Variants in MMP16 observed in about 807,000 individuals in gnomAD.
MMP16 encodes the protein matrix metalloproteinase-16.
A neutral mutation model predicts 67.8 loss-of-function variants in MMP16; 12 were observed. The observed-to-expected ratio is 0.18, with a 90% confidence interval of 0.11 to 0.29. MMP16 has a LOEUF of 0.29. MMP16 is among the 10% of genes least tolerant of loss of function. The pLI is 1.00. For synonymous variants in MMP16, 249 were observed against 255.9 expected, an observed-to-expected ratio of 0.97 and a Z score of 0.26; for missense variants, 475 against 765.7, an observed-to-expected ratio of 0.62 and a Z score of 4.48.
rs754502140 is a variant in MMP16, at chr8:88,327,192, T to A, written c.15A>T (p.Thr5=). The A allele has an allele frequency of 1.2e-6, 2 of 1,613,886 alleles. No individual in the cohort carries two copies. Among genetic ancestry groups the A allele is most frequent in the Non-Finnish European group, 1.7e-6 (2 of 1,179,932 alleles). The change falls in exon 1 of 10, where the codon ACA becomes ACT. Residue 5 remains threonine, a synonymous_variant. Transcript: ENST00000286614. ...AATCCAACCGTCTTCCAGTGCTGAA[T>A]GTGAGTAAGATCATAGTGAACTGTG... MILL[T]FSTGRRLDFV... is the part of the protein sequence containing the mutation.
At chr8:88,322,708 G>A (rs1223912929) in intron 1 of MMP16, among the ~76,000 whole-genome samples, 2 of 151,962 alleles carry the variant, frequency 1.3e-5, no homozygotes, top group East Asian at 3.9e-4. Context: ...AGCTGGGTAT[G>A]GTGGTATGTG....
At chr8:88,273,045 A>AT (rs1390961905) in intron 1 of MMP16, among the ~76,000 whole-genome samples, 4 of 152,198 alleles carry the variant, frequency 2.6e-5, no homozygotes, top group South Asian at 4.2e-4. Flanking sequence ...GAAAAAAAAA[A>AT]AGGTATCCTT....
intron 1 of MMP16, among the ~76,000 whole-genome samples, chr8:88,290,370 G>A (rs1810907572): frequency 6.6e-6 from 1 of 152,026 alleles, no homozygotes. Flanking sequence ...GGCTAACAAG[G>A]TGAAACCCCG....
At chr8:88,063,956 TA>T (rs1032536055) in intron 7 of MMP16, among the ~76,000 whole-genome samples, 1 of 151,998 alleles carries the variant, frequency 6.6e-6, no homozygotes, top group Non-Finnish European at 1.5e-5. Flanking sequence ...CTAAGGAAAT[TA>T]AAAAAAATCA....
chr8:88,150,853 C>A (rs1206498213), intron 4 of MMP16, among the ~76,000 whole-genome samples: 5 of 146,376 alleles, frequency 3.4e-5, no homozygotes, highest in East Asian at 4.2e-4. Context: ...ATCAAATTCA[C>A]ACATAACAAT....
intron 1 of MMP16, among the ~76,000 whole-genome samples, chr8:88,274,786 T>C (rs1267519034): frequency 2.0e-5 from 3 of 151,912 alleles, no homozygotes; most frequent in African/African-American, 4.8e-5. Context: ...TATAAAATAA[T>C]ATCAAAAAAG....
At chr8:88,211,789 C>A (rs1016667396) in intron 1 of MMP16, among the ~76,000 whole-genome samples, 2 of 152,084 alleles carry the variant, frequency 1.3e-5, no homozygotes, top group African/African-American at 2.4e-5. Context: ...TTAAGTATCC[C>A]AAAATATCAT....
intron 1 of MMP16, among the ~76,000 whole-genome samples, chr8:88,256,395 C>G (rs1196657710): frequency 6.6e-6 from 1 of 152,068 alleles, no homozygotes; most frequent in Non-Finnish European, 1.5e-5. Flanking sequence ...ACACAACAAC[C>G]TCCAATCTTA....
chr8:88,269,785 G>A (rs748948343), intron 1 of MMP16, among the ~76,000 whole-genome samples: 6 of 152,030 alleles, frequency 3.9e-5, no homozygotes, highest in African/African-American at 7.2e-5. Flanking sequence ...AAATATTTTC[G>A]TATTACTGTT....
At chr8:88,270,987 G>A (rs527730076) in intron 1 of MMP16, among the ~76,000 whole-genome samples, 2 of 152,140 alleles carry the variant, frequency 1.3e-5, no homozygotes, top group East Asian at 3.9e-4. Context: ...ACCCAGACCT[G>A]GCATAGTGCC....
intron 3 of MMP16, among the ~76,000 whole-genome samples, chr8:88,173,805 C>A (rs1432502246): frequency 6.6e-6 from 1 of 152,040 alleles, no homozygotes; most frequent in Non-Finnish European, 1.5e-5. Flanking sequence ...ATATGGAGTC[C>A]CTCCAGGAAA....
intron 8 of MMP16, among the ~76,000 whole-genome samples, chr8:88,051,863 T>C (rs1371647277): frequency 6.6e-6 from 1 of 152,186 alleles, no homozygotes; most frequent in East Asian, 1.9e-4. Context: ...CATAGCATTT[T>C]AAGCTAAATG....
At chr8:88,186,054 T>C (rs1374777385) in intron 3 of MMP16, among the ~76,000 whole-genome samples, 1 of 152,150 alleles carries the variant, frequency 6.6e-6, no homozygotes, top group Non-Finnish European at 1.5e-5. Flanking sequence ...CTTGCATAAT[T>C]AAGAAAAAGA....
intron 1 of MMP16, among the ~76,000 whole-genome samples, chr8:88,321,442 T>A (rs1811458491): frequency 1.3e-5 from 2 of 152,196 alleles, no homozygotes; most frequent in Middle Eastern, 3.2e-3. Context: ...TTATATTTTT[T>A]AAATTAATTT....
At chr8:88,321,925 C>T (rs1295082856) in intron 1 of MMP16, among the ~76,000 whole-genome samples, 1 of 152,150 alleles carries the variant, frequency 6.6e-6, no homozygotes, top group African/African-American at 2.4e-5. Flanking sequence ...CACCACATTG[C>T]TAGCTATCTT....
At chr8:88,139,372 G>A (rs1310024608) in intron 4 of MMP16, among the ~76,000 whole-genome samples, 2 of 152,046 alleles carry the variant, frequency 1.3e-5, no homozygotes, top group Non-Finnish European at 2.9e-5. Context: ...AGTCAGGTGA[G>A]TATACTACCC....
At chr8:88,143,527 A>G (rs1055442093) in intron 4 of MMP16, among the ~76,000 whole-genome samples, 7 of 152,040 alleles carry the variant, frequency 4.6e-5, no homozygotes, top group African/African-American at 1.7e-4. Flanking sequence ...CTCTAGTTTG[A>G]TTTTATTTAT....
intron 9 of MMP16, among the ~76,000 whole-genome samples, chr8:88,046,460 G>T (rs1039761376): frequency 1.3e-5 from 2 of 151,818 alleles, no homozygotes; most frequent in Non-Finnish European, 2.9e-5. Context: ...TTTTTCTAAT[G>T]ACTTTTTTAT....
chr8:88,129,505 A>T (rs1344612297), intron 4 of MMP16, among the ~76,000 whole-genome samples: 1 of 151,660 alleles, frequency 6.6e-6, no homozygotes, highest in Admixed American at 6.6e-5. Context: ...ATCTTGACAC[A>T]TTCAGATTTC....
Sources: gnomAD v4.1 joint callset for allele counts (sites outside exome capture counted in the v4.1 genomes callset) on GRCh38, gnomAD v4.1.1 for gene constraint, MANE v1.5 for transcripts, NCBI Gene and HGNC (gene_info 2026-07-23, HGNC 2026-07-21) for gene names.